MAP2K2: variants seen among roughly 807,000 people sequenced by gnomAD.
MAP2K2 encodes mitogen-activated protein kinase kinase 2.
In MAP2K2, 24 loss-of-function variants were observed where a neutral mutation model predicts 43.7. The ratio of observed to expected loss-of-function variants is 0.55; its 90% CI spans 0.40 to 0.77. The LOEUF is 0.77. Ranked by LOEUF, MAP2K2 falls within the 30% of genes least tolerant of loss-of-function variation. The pLI is 0.00. For missense variants in MAP2K2, 470 were observed against 566.8 expected (o/e 0.83, Z 1.73); for synonymous variants, 244 against 239.7 (o/e 1.02, Z -0.17).
chr19:4,098,453 T>A (rs901077205), intron 7 of MAP2K2, among the ~76,000 whole-genome samples: 28 of 152,136 alleles, frequency 1.8e-4, no homozygotes, highest in African/African-American at 6.8e-4. Flanking sequence ...CCAACCACAG[T>A]CCGCTACAGG....
At chr19:4,100,428 T>TGAAAAAAAAAAAA (rs1568253174) in intron 6 of MAP2K2, 1 of 21,496 alleles carries the variant, frequency 4.7e-5, no homozygotes, top group African/African-American at 2.4e-4. Flanking sequence ...AGACTCTGTC[T>TGAAAAAAAAAAAA]CAAAAAAAAA....
At chr19:4,094,723 G>A (rs1349779019) in intron 9 of MAP2K2, 2 of 573,164 alleles carry the variant, frequency 3.5e-6, no homozygotes, top group South Asian at 2.1e-5. Context: ...CCCAGCGGGA[G>A]GGTGAGAGGG....
rs1172271437 is a variant in MAP2K2 at position 4,115,453 on chromosome 19, C to T, written c.303+1966G>A. On this transcript the variant is annotated intron_variant, in intron 2 of 10. Transcript: ENST00000262948. This position sits in a 1 kb window ranked among gnomAD's most constrained non-coding sequence, Gnocchi z 4.1. ...GAAGCCTGAGGGTCCCTGGCACACA[C>T]GAGGACTGGCACTGTCTCAAGGCCC... 6.6e-6 allele frequency among the ~76,000 whole-genome samples: 1 copy of T among 152,210 alleles called. No homozygotes were observed. Among genetic ancestry groups the T allele is most frequent in the Non-Finnish European group, 1.5e-5 (1 of 68,040 alleles).
chr19:4,092,191 A>G (rs1288330767), intron 10 of MAP2K2, among the ~76,000 whole-genome samples: 3 of 152,222 alleles, frequency 2.0e-5, no homozygotes, highest in African/African-American at 7.2e-5. Flanking sequence ...CAAGGTGCCT[A>G]TCTTCCTAAA....
chr19:4,097,228 A>AAAT, intron 8 of MAP2K2, 51 bp downstream of exon 8: 5 of 1,131,902 alleles, frequency 4.4e-6, no homozygotes, highest in Non-Finnish European at 6.4e-6. Context: ...AAAAAAAAAA[A>AAAT]GAAAGAAGAA....
chr19:4,101,259 G>T lies in MAP2K2; in HGVS notation c.550C>A (p.Leu184Ile). 6.3e-7 allele frequency: 1 copy of T among 1,584,882 alleles called. No individual in the cohort carries two copies. Among genetic ancestry groups the T allele is most frequent in the East Asian group, 2.3e-5 (1 of 43,416 alleles). ...SIAVLRGLAYLREKHQIMHRD... is the reference protein window; with the variant it reads ...SIAVLRGLAYIREKHQIMHRD... ...TGCATGATCTGGTGCTTCTCTCGGAGGTACGCCAAGCCCCGGAGAACCTGC... is the reference window on the plus strand; with the variant it reads ...TGCATGATCTGGTGCTTCTCTCGGATGTACGCCAAGCCCCGGAGAACCTGC... Residue 184 changes from leucine (L) to isoleucine (I), a missense_variant, in exon 5 of 11, where the codon CTC (leucine) becomes ATC (isoleucine). Leu to Ile is a conservative substitution (Grantham distance 5). Around this residue, in one of 3 missense-constraint regions of MAP2K2, gnomAD observed 200 missense variants for 297.9 expected, o/e 0.67. Coordinates refer to ENST00000262948, the MANE Select transcript of MAP2K2 (RefSeq NM_030662.4). This position sits in a 1 kb window ranked among gnomAD's most constrained non-coding sequence, Gnocchi z 6.3.
chr19:4,118,925 C>T (rs1033920030), intron 1 of MAP2K2, among the ~76,000 whole-genome samples: 9 of 152,214 alleles, frequency 5.9e-5, no homozygotes, highest in Admixed American at 5.9e-4. Flanking sequence ...GAGTAACAGA[C>T]AACTAAGCGC....
At chr19:4,107,009 G>C (rs1008094003) in intron 3 of MAP2K2, among the ~76,000 whole-genome samples, 6 of 152,156 alleles carry the variant, frequency 3.9e-5, no homozygotes, top group African/African-American at 1.4e-4. Flanking sequence ...CTGGGTTCTT[G>C]CCCCGAGTTA....
chr19:4,096,748 C>T (rs2040923747), intron 8 of MAP2K2, among the ~76,000 whole-genome samples: 1 of 152,206 alleles, frequency 6.6e-6, no homozygotes, highest in Non-Finnish European at 1.5e-5. Context: ...TGCAGAGACA[C>T]TGGGCCACTG....
intron 2 of MAP2K2, 80 bp downstream of exon 2, chr19:4,117,339 G>A: frequency 1.5e-6 from 2 of 1,336,134 alleles, no homozygotes; most frequent in South Asian, 2.4e-5. Flanking sequence ...CAGAGACCCG[G>A]CTGCCTTCCC....
chr19:4,094,337 C>T (rs2040884043), intron 10 of MAP2K2, 116 bp downstream of exon 10: 1 of 1,150,342 alleles, frequency 8.7e-7, no homozygotes, highest in Non-Finnish European at 1.3e-6. Context: ...GGCCTGCCCA[C>T]ATCCTGGTCG....
chr19:4,107,700 T>C (rs2041102401), intron 3 of MAP2K2, among the ~76,000 whole-genome samples: 2 of 151,746 alleles, frequency 1.3e-5, no homozygotes, highest in South Asian at 2.1e-4. Context: ...GAGAGAGACC[T>C]TGTACCCCCT....
chr19:4,117,738 T>A, intron 1 of MAP2K2, 109 bp from the exon 2 acceptor site: 1 of 952,750 alleles, frequency 1.0e-6, no homozygotes, highest in Non-Finnish European at 1.7e-6. Context: ...ACTGGATTCC[T>A]GCACTTGAGG....
intron 1 of MAP2K2, among the ~76,000 whole-genome samples, chr19:4,118,442 G>A (rs543039186): frequency 2.8e-4 from 42 of 152,272 alleles, no homozygotes; most frequent in African/African-American, 8.7e-4. Context: ...AGGTAGGCAC[G>A]GTGGTGCACG....
chr19:4,103,032 G>A (rs902749762), intron 3 of MAP2K2: 368 of 1,054,678 alleles, frequency 3.5e-4, no homozygotes, highest in Middle Eastern at 9.3e-4. Flanking sequence ...ACTGCTGGGC[G>A]TCTGCCCTGC....
At chr19:4,117,277 A>T in intron 2 of MAP2K2, 142 bp downstream of exon 2, 1 of 810,286 alleles carries the variant, frequency 1.2e-6, no homozygotes, top group South Asian at 1.6e-5. Flanking sequence ...CTTTCTCAGG[A>T]CCTAGAGTCC....
chr19:4,096,483 CCT>C (rs1172236462), intron 8 of MAP2K2, among the ~76,000 whole-genome samples: 1 of 152,230 alleles, frequency 6.6e-6, no homozygotes, highest in Non-Finnish European at 1.5e-5. Flanking sequence ...CCTGTGCCTC[CCT>C]GACAGCTGCA....
At chr19:4,106,944 G>A (rs547472072) in intron 3 of MAP2K2, among the ~76,000 whole-genome samples, 5 of 152,280 alleles carry the variant, frequency 3.3e-5, no homozygotes, top group Admixed American at 6.5e-5. Context: ...GCACCTCTAC[G>A]AGGTCCGTAA....
chr19:4,110,695 C>T (rs202152543), intron 2 of MAP2K2, 40 bp from the exon 3 acceptor site: 5 of 1,596,004 alleles, frequency 3.1e-6, no homozygotes, highest in East Asian at 4.5e-5. Flanking sequence ...GGGGGGTGCC[C>T]GAAAACGGGA....
Sources: allele counts gnomAD v4.1 joint callset (sites outside exome capture counted in the v4.1 genomes callset), GRCh38; gene constraint gnomAD v4.1.1; regional missense constraint gnomAD v4.1.1; non-coding constraint Gnocchi (gnomAD v3.1); transcripts MANE v1.5; gene names NCBI Gene and HGNC (gene_info 2026-07-23, HGNC 2026-07-21).